TMEM135: variants seen among roughly 807,000 people sequenced by gnomAD.
The protein encoded by TMEM135 is peroxisomal membrane protein 52.
A neutral mutation model predicts 60.3 loss-of-function variants in TMEM135; 30 were observed. The ratio of observed to expected loss-of-function variants is 0.50; its 90% confidence interval spans 0.37 to 0.68. The LOEUF is 0.68. Among genes scored for constraint, TMEM135 ranks in the 30% least tolerant of loss-of-function variants. The pLI, the probability that TMEM135 is intolerant of heterozygous loss-of-function variation, is 0.00. For missense variants in TMEM135, 468 were observed against 548.8 expected (o/e 0.85, Z 1.47); for synonymous variants, 190 against 186.7 (o/e 1.02, Z -0.14).
At chr11:87,124,457 G>T (rs527463204) in intron 4 of TMEM135, among the ~76,000 whole-genome samples, 3 of 152,126 alleles carry the variant, frequency 2.0e-5, no homozygotes, top group Non-Finnish European at 4.4e-5. Flanking sequence ...TACCTTAGCA[G>T]GTGGGAGGCC....
At position 87,085,821 on chromosome 11, in the gene TMEM135, A is replaced by G. The variant is rs948253152; in HGVS notation, c.363-5541A>G. On this transcript the variant is annotated intron_variant, in intron 3 of 14. Transcript: ENST00000305494. ...CAAAGATTTTCTGTAGAAGTAATGC[A>G]TTGGACAGAACCTGAAACTGGAGTC... 3.9e-5 allele frequency among the ~76,000 whole-genome samples: 6 copies of G among 152,204 alleles called. No homozygotes were observed. The South Asian group carries it at 1.0e-3, about 26-fold the overall frequency.
At chr11:87,149,152 C>A (rs1403595167) in intron 4 of TMEM135, among the ~76,000 whole-genome samples, 1 of 151,872 alleles carries the variant, frequency 6.6e-6, no homozygotes, top group African/African-American at 2.4e-5. Context: ...AAATTACATG[C>A]TGTATTTTAC....
chr11:87,066,778 T>TC (rs1367655941), intron 1 of TMEM135, among the ~76,000 whole-genome samples: 3 of 141,860 alleles, frequency 2.1e-5, no homozygotes, highest in African/African-American at 7.8e-5. Flanking sequence ...GTTACTAGAT[T>TC]CTTTCTTTTT....
In TMEM135 at chr11:87,326,028, G is replaced by T. The variant is rs768766399; in HGVS notation, c.*4695G>T. ...TCTGGTCACCAACAGGGACATCAGG[G>T]CCAAGAGCAGTTTATACTTCTTTCT... is the stretch of plus-strand genomic sequence containing the variant. On this transcript the variant is annotated 3_prime_UTR_variant, in exon 15 of 15. Transcript: ENST00000305494. 1 of 453,444 alleles carries T rather than the reference G, an allele frequency of 2.2e-6. No individual in the cohort carries two copies. 28.1% of individuals were successfully genotyped at this position (453,444 alleles called of 1,614,324 possible). A position where few individuals can be genotyped will look rare whatever the true frequency, so the allele number is the denominator to read the frequency against.
rs1942893452 is a variant in TMEM135 at position 87,325,133 on chromosome 11, C to G, written c.*3800C>G. 2.2e-6 allele frequency: 1 copy of G among 451,628 alleles called. No homozygotes were observed. Among genetic ancestry groups the G allele is most frequent in the East Asian group, 7.0e-5 (1 of 14,214 alleles). 28.0% of individuals were successfully genotyped at this position (451,628 alleles called of 1,614,324 possible). A position where few individuals can be genotyped will look rare whatever the true frequency, so the allele number is the denominator to read the frequency against. On this transcript the variant is annotated 3_prime_UTR_variant, in exon 15 of 15. Transcript: ENST00000305494. ...GAGTGTCAAGGACTGAGATGACCCT[C>G]AGATTGGGGGGCTGTCTTAGATTCT... is the stretch of plus-strand genomic sequence containing the variant.
chr11:87,111,650 CAA>C (rs746609752), intron 4 of TMEM135, among the ~76,000 whole-genome samples: 3 of 73,926 alleles, frequency 4.1e-5, no homozygotes, highest in African/African-American at 5.4e-5. Context: ...GACTCCGTCT[CAA>C]AAAAAAAAAA....
intron 7 of TMEM135, among the ~76,000 whole-genome samples, chr11:87,296,336 G>A (rs1942347725): frequency 6.6e-6 from 1 of 152,140 alleles, no homozygotes. Context: ...AGTTCACCAA[G>A]AATTTTCTCA....
intron 4 of TMEM135, among the ~76,000 whole-genome samples, chr11:87,149,300 A>G (rs1316728687): frequency 1.3e-5 from 2 of 152,172 alleles, no homozygotes. Flanking sequence ...CTTAAGTACT[A>G]CTTAGCAATT....
intron 4 of TMEM135, among the ~76,000 whole-genome samples, chr11:87,099,370 A>G (rs1461932936): frequency 6.6e-6 from 1 of 152,154 alleles, no homozygotes; most frequent in African/African-American, 2.4e-5. Flanking sequence ...AATTATAAAA[A>G]ATAATATAGG....
chr11:87,071,669 C>A (rs1380781053), intron 3 of TMEM135, 54 bp downstream of exon 3: 35 of 1,369,212 alleles, frequency 2.6e-5, no homozygotes, highest in Non-Finnish European at 3.3e-5. Context: ...CCTACCCCAA[C>A]TATAATTTTT....
intron 5 of TMEM135, among the ~76,000 whole-genome samples, chr11:87,167,005 T>C (rs1939070828): frequency 6.6e-6 from 1 of 152,208 alleles, no homozygotes; most frequent in Admixed American, 6.5e-5. Flanking sequence ...CTGGATCTCT[T>C]TGAAGAGGTC....
At chr11:87,306,543 T>C (rs77236389) in intron 9 of TMEM135, among the ~76,000 whole-genome samples, 1,891 of 152,246 alleles carry the variant, frequency 0.012, 50 homozygotes, top group African/African-American at 0.044. Context: ...TAACTATGCC[T>C]GGCATAAATT....
intron 4 of TMEM135, among the ~76,000 whole-genome samples, chr11:87,114,843 A>G (rs886611948): frequency 6.6e-6 from 1 of 152,208 alleles, no homozygotes; most frequent in African/African-American, 2.4e-5. Flanking sequence ...ACACTAGTCA[A>G]CCGAGGATGC....
At chr11:87,258,891 TC>T in intron 6 of TMEM135, 2 of 1,071,412 alleles carry the variant, frequency 1.9e-6, no homozygotes, top group Non-Finnish European at 2.9e-6. Context: ...CTTGCATTCT[TC>T]CTGAGAGCCC....
At position 87,108,067 on chromosome 11, in the gene TMEM135, G is replaced by A. The variant is rs191681685; in HGVS notation, c.396+16672G>A. The stretch of plus-strand genomic sequence containing the variant: ...TGGCTGCAAAAATGTCTTCTTTTGA[G>A]AAGTGTCTGTTCATATCCTTTGCCC... On this transcript the variant is annotated intron_variant, in intron 4 of 14. Transcript: ENST00000305494. Among the ~76,000 whole-genome samples the A allele has an allele frequency of 2.6e-3, 400 of 152,272 alleles. 16 individuals are homozygous for A. In the East Asian group the frequency reaches 0.063, roughly 24 times the overall value.
chr11:87,122,675 GATCTC>G (rs1342680224), intron 4 of TMEM135, among the ~76,000 whole-genome samples: 1 of 152,038 alleles, frequency 6.6e-6, no homozygotes, highest in Non-Finnish European at 1.5e-5. Flanking sequence ...TGGCCAGGCT[GATCTC>G]AAACTTCTGA....
chr11:87,094,843 A>C (rs2512488), intron 4 of TMEM135: 95,052 of 167,990 alleles, frequency 0.57, 27,927 homozygotes, highest in East Asian at 0.74. Context: ...GCTTCTTGTA[A>C]CATAGGATTT....
Position 87,185,332 on chromosome 11 carries a change from G to A in TMEM135, c.462+27926G>A, listed in dbSNP as rs1013305439. ...TTAAGATCTTAAATTTATTTGAATT[G>A]GTTGGTTCCCCCCTCATCCCTCTCT... is the stretch of plus-strand genomic sequence containing the variant. On this transcript the variant is annotated intron_variant, in intron 5 of 14. Transcript: ENST00000305494. 2.6e-5 allele frequency among the ~76,000 whole-genome samples: 4 copies of A among 151,974 alleles called. No individual in the cohort carries two copies. In the South Asian group the frequency reaches 8.3e-4, roughly 32 times the overall value.
At position 87,326,123 on chromosome 11, in the gene TMEM135, C is replaced by G. The variant is rs957485739; in HGVS notation, c.*4790C>G. On this transcript the variant is annotated 3_prime_UTR_variant, in exon 15 of 15. Transcript: ENST00000305494. Reference sequence around the variant, plus strand: ...TTTTAATATTCAGTTTTGTGCCATACTCTCCCCCACCCCCAGCCTGCTGCC... The same window carrying G: ...TTTTAATATTCAGTTTTGTGCCATAGTCTCCCCCACCCCCAGCCTGCTGCC... 1.1e-5 allele frequency: 5 copies of G among 453,194 alleles called. No individual in the cohort carries two copies. The highest frequency in any genetic ancestry group is 1.0e-4 in the African/African-American group (5 of 49,682). 28.1% of individuals were successfully genotyped at this position (453,194 alleles called of 1,614,324 possible).
Sources: gnomAD v4.1 joint callset for allele counts (sites outside exome capture counted in the v4.1 genomes callset) on GRCh38, gnomAD v4.1.1 for gene constraint, MANE v1.5 for transcripts, NCBI Gene and HGNC (gene_info 2026-07-23, HGNC 2026-07-21) for gene names.